Variants in DLGAP2 observed in about 807,000 individuals in gnomAD.
DLGAP2 encodes disks large-associated protein 2.
DLGAP2 carries 26 observed loss-of-function variants against 100.3 expected under a neutral mutation model. That is an observed-to-expected ratio of 0.26 (90% CI 0.19 to 0.36). The LOEUF (loss-of-function observed/expected upper bound fraction) is 0.36. Among genes scored for constraint, DLGAP2 ranks in the 10% least tolerant of loss-of-function variants. The pLI, the probability that DLGAP2 is intolerant of heterozygous loss-of-function variation, is 1.00. For missense variants in DLGAP2, 1,858 were observed against 1,453.2 expected (o/e 1.28, Z -4.53); for synonymous variants, 886 against 630.1 (o/e 1.41, Z -6.08).
intron 3 of DLGAP2, among the ~76,000 whole-genome samples, chr8:1,341,313 C>T (rs182903570): frequency 6.6e-6 from 1 of 152,274 alleles, no homozygotes; most frequent in African/African-American, 2.4e-5. Flanking sequence ...TGTTTCATAT[C>T]CCCCAGCATT....
intron 6 of DLGAP2, among the ~76,000 whole-genome samples, chr8:1,572,841 T>G (rs1464244435): frequency 1.4e-5 from 1 of 69,556 alleles, no homozygotes; most frequent in East Asian, 4.2e-4. Flanking sequence ...TCTGATGAGA[T>G]GGAGAGGAGA....
At chr8:1,437,641 CT>C (rs1342361864) in intron 3 of DLGAP2, among the ~76,000 whole-genome samples, 1 of 151,886 alleles carries the variant, frequency 6.6e-6, no homozygotes, top group African/African-American at 2.4e-5. Context: ...CCTCCATCAG[CT>C]TTTTTTCTGT....
chr8:1,011,860 G>A (rs1364075922), intron 2 of DLGAP2, among the ~76,000 whole-genome samples: 3 of 152,222 alleles, frequency 2.0e-5, no homozygotes, highest in African/African-American at 7.2e-5. Flanking sequence ...AGGCACAGAT[G>A]TGGAACCAGG....
intron 2 of DLGAP2, among the ~76,000 whole-genome samples, chr8:1,180,410 G>T (rs1350233298): frequency 8.5e-5 from 13 of 152,196 alleles, no homozygotes; most frequent in Non-Finnish European, 1.5e-4. Flanking sequence ...TCACAATGTT[G>T]CCCAGCCTGG....
chr8:1,229,736 GT>G (rs1798494911), intron 2 of DLGAP2, among the ~76,000 whole-genome samples: 2 of 152,278 alleles, frequency 1.3e-5, no homozygotes, highest in South Asian at 4.1e-4. Flanking sequence ...AATAAATGCA[GT>G]TCACCACATA....
At chr8:1,218,950 G>T (rs190784765) in intron 2 of DLGAP2, among the ~76,000 whole-genome samples, 1 of 152,232 alleles carries the variant, frequency 6.6e-6, no homozygotes, top group South Asian at 2.1e-4. Context: ...GAATAGAAAT[G>T]CTATTAATTT....
chr8:1,671,079 G>A (rs1447691143), intron 10 of DLGAP2, among the ~76,000 whole-genome samples: 1 of 152,222 alleles, frequency 6.6e-6, no homozygotes, highest in Admixed American at 6.5e-5. Context: ...ACTATGGATG[G>A]GAAAACTGAG....
chr8:846,189 T>C (rs767330964), intron 1 of DLGAP2, among the ~76,000 whole-genome samples: 4 of 152,244 alleles, frequency 2.6e-5, no homozygotes, highest in Non-Finnish European at 5.9e-5. Flanking sequence ...TAATACATTA[T>C]TGTTAACTCC....
At chr8:1,457,399 G>C (rs1381381806) in intron 3 of DLGAP2, among the ~76,000 whole-genome samples, 1 of 152,168 alleles carries the variant, frequency 6.6e-6, no homozygotes, top group Non-Finnish European at 1.5e-5. Flanking sequence ...CCTGGAGGCT[G>C]TGTATGCCGT....
intron 2 of DLGAP2, among the ~76,000 whole-genome samples, chr8:1,254,304 C>G (rs1266928591): frequency 5.9e-5 from 9 of 152,194 alleles, no homozygotes; most frequent in Non-Finnish European, 1.3e-4. Context: ...CATGTGACCT[C>G]TGATGGGTCC....
intron 8 of DLGAP2, among the ~76,000 whole-genome samples, chr8:1,646,694 A>G (rs1351875398): frequency 1.3e-5 from 2 of 152,184 alleles, no homozygotes; most frequent in African/African-American, 2.4e-5. Context: ...CTCAGTGTCA[A>G]TGTGCTGTTT....
intron 2 of DLGAP2, among the ~76,000 whole-genome samples, chr8:1,201,283 C>A (rs151207606): frequency 1.6e-3 from 249 of 152,300 alleles, no homozygotes; most frequent in Non-Finnish European, 1.6e-3. Context: ...GCCGAAGTCC[C>A]CAGCATCCCC....
At chr8:1,652,009 C>G (rs945601019) in intron 8 of DLGAP2, among the ~76,000 whole-genome samples, 17 of 152,238 alleles carry the variant, frequency 1.1e-4, no homozygotes, top group African/African-American at 4.1e-4. Flanking sequence ...CTGCAAGCCC[C>G]ACTTGCCCAG....
At chr8:1,114,606 C>T (rs1805060039) in intron 2 of DLGAP2, among the ~76,000 whole-genome samples, 1 of 151,700 alleles carries the variant, frequency 6.6e-6, no homozygotes. Context: ...TTTATTATTC[C>T]AGCTAGCAGC....
intron 3 of DLGAP2, among the ~76,000 whole-genome samples, chr8:1,349,578 G>A (rs74895032): frequency 0.2 from 17,210 of 86,530 alleles, 279 homozygotes; most frequent in East Asian, 0.3. Context: ...AGGGGTGTTT[G>A]AGGGAGACTA....
intron 2 of DLGAP2, among the ~76,000 whole-genome samples, chr8:911,345 C>T (rs562744169): frequency 5.4e-5 from 8 of 148,818 alleles, no homozygotes; most frequent in Non-Finnish European, 1.0e-4. Context: ...GCATGTATAA[C>T]GTACATTGGG....
chr8:967,600 C>G (rs1799903359), intron 2 of DLGAP2, among the ~76,000 whole-genome samples: 1 of 150,768 alleles, frequency 6.6e-6, no homozygotes, highest in Non-Finnish European at 1.5e-5. Context: ...GCTATTTCAA[C>G]ATTTCAATGC....
chr8:1,691,506 T>C, intron 12 of DLGAP2, 29 bp from the exon 13 acceptor site: 1 of 1,594,742 alleles, frequency 6.3e-7, no homozygotes, highest in Non-Finnish European at 8.6e-7. Context: ...AAGTTGTTGT[T>C]TTTTTGTTTT....
intron 5 of DLGAP2, among the ~76,000 whole-genome samples, chr8:1,550,691 C>G (rs1050267875): frequency 6.6e-6 from 1 of 152,170 alleles, no homozygotes; most frequent in Non-Finnish European, 1.5e-5. Context: ...AGGTAGATCC[C>G]TAGAGCTGGC....
Sources: allele counts gnomAD v4.1 joint callset (sites outside exome capture counted in the v4.1 genomes callset), GRCh38; gene constraint gnomAD v4.1.1; transcripts MANE v1.5; gene names NCBI Gene and HGNC (gene_info 2026-07-23, HGNC 2026-07-21).